Variants in RBFOX2 observed in about 807,000 individuals in gnomAD.
The protein encoded by RBFOX2 is RNA binding protein fox-1 homolog 2.
In RBFOX2, 10 loss-of-function variants were observed where a neutral mutation model predicts 49.1. The ratio of observed to expected loss-of-function variants is 0.20; its 90% confidence interval spans 0.13 to 0.35. RBFOX2 has a LOEUF of 0.35. RBFOX2 is among the 10% of genes least tolerant of loss of function. The pLI is 1.00. For synonymous variants in RBFOX2, 183 were observed against 187.4 expected, an observed-to-expected ratio of 0.98 and a Z score of 0.19; for missense variants, 323 against 486.9, an observed-to-expected ratio of 0.66 and a Z score of 3.17.
intron 2 of RBFOX2, among the ~76,000 whole-genome samples, chr22:35,805,759 G>T (rs1195587784): frequency 6.6e-6 from 1 of 152,182 alleles, no homozygotes; most frequent in Admixed American, 6.5e-5. Flanking sequence ...TAAACAAACT[G>T]TGGTACATAC....
chr22:36,025,536 G>A (rs1317594423), intron 1 of RBFOX2, among the ~76,000 whole-genome samples: 1 of 152,096 alleles, frequency 6.6e-6, no homozygotes. Flanking sequence ...ATCTCTTAGG[G>A]TTAAAACAGT....
exon 1 of RBFOX2, chr22:35,840,240 A>C (rs753618852): frequency 6.2e-7 from 1 of 1,614,108 alleles, no homozygotes; most frequent in Non-Finnish European, 8.5e-7. Context: ...ATAGATGATA[A>C]ACCTTTCAAA....
intron 2 of RBFOX2, among the ~76,000 whole-genome samples, chr22:35,791,385 C>CAA (rs5845238): frequency 2.9e-4 from 38 of 129,990 alleles, no homozygotes; most frequent in Admixed American, 1.4e-3. Context: ...AACTCTGTCT[C>CAA]AAAAAAAAAA....
At chr22:35,984,942 GAC>G in intron 1 of RBFOX2, among the ~76,000 whole-genome samples, 1 of 152,152 alleles carries the variant, frequency 6.6e-6, no homozygotes, top group African/African-American at 2.4e-5. Context: ...CATTAAATGA[GAC>G]ACAGTCACTG....
At chr22:36,008,806 C>G (rs1333670649) in intron 1 of RBFOX2, among the ~76,000 whole-genome samples, 1 of 151,898 alleles carries the variant, frequency 6.6e-6, no homozygotes, top group African/African-American at 2.4e-5. Context: ...GAATGAGACA[C>G]TGTCTCAAAG....
At chr22:35,961,109 A>G (rs1289249854) in intron 1 of RBFOX2, among the ~76,000 whole-genome samples, 1 of 152,200 alleles carries the variant, frequency 6.6e-6, no homozygotes, top group Non-Finnish European at 1.5e-5. Flanking sequence ...TATTCTTTTC[A>G]GATTATTTTT....
intron 1 of RBFOX2, among the ~76,000 whole-genome samples, chr22:35,936,421 C>T (rs1015788129): frequency 6.6e-6 from 1 of 152,038 alleles, no homozygotes; most frequent in Non-Finnish European, 1.5e-5. Context: ...AAATGCCTCC[C>T]AAATCTCAAA....
intron 1 of RBFOX2, among the ~76,000 whole-genome samples, chr22:35,869,469 C>CAAAAAAAAAAAAAAAAAAAAAAAAA (rs35854576): frequency 3.3e-5 from 1 of 30,534 alleles, no homozygotes; most frequent in Non-Finnish European, 6.5e-5. Flanking sequence ...AACGGCTGAC[C>CAAAAAAAAAAAAAAAAAAAAAAAAA]AAAAAAAAAA....
intron 7 of RBFOX2, 55 bp from the exon 9 acceptor site, chr22:35,761,349 A>G: frequency 6.2e-7 from 1 of 1,613,034 alleles, no homozygotes. Context: ...AGGAGTCACA[A>G]ATTGAAAAAC....
chr22:35,955,724 C>T (rs2055472743), intron 1 of RBFOX2, among the ~76,000 whole-genome samples: 1 of 152,110 alleles, frequency 6.6e-6, no homozygotes, highest in Non-Finnish European at 1.5e-5. Context: ...GGCAGTAGTG[C>T]TTGCTGCTCA....
In RBFOX2 at chr22:35,886,018, G is replaced by A. The variant is rs542358070; in HGVS notation, c.-34+52829C>T. Reference sequence around the variant, plus strand: ...ACTACAGGCACCCACCACCACATCCGGCTAATTTTTTGTATTTTTAGTAGA... The same window carrying A: ...ACTACAGGCACCCACCACCACATCCAGCTAATTTTTTGTATTTTTAGTAGA... On this transcript the variant is annotated intron_variant, in intron 1 of 13. Transcript: ENST00000359369. Among the ~76,000 whole-genome samples, 44 of 151,438 alleles carry A rather than the reference G, an allele frequency of 2.9e-4. 1 individual carries two copies. In the South Asian group the frequency reaches 3.6e-3, roughly 12 times the overall value.
Position 35,972,799 on chromosome 22 carries a change from A to G in RBFOX2, c.187-33902T>C, listed in dbSNP as rs1233085278. On this transcript the variant is annotated intron_variant, in intron 1 of 13. Coordinates refer to the RBFOX2 transcript ENST00000438146. ...CAGTTGGCACCCTCTTCTATGAGCC[A>G]TATTCCCTGTCCTCCTAGTGCTTAG... 5.3e-5 allele frequency among the ~76,000 whole-genome samples: 8 copies of G among 152,314 alleles called. No individual in the cohort carries two copies. The East Asian group carries it at 1.2e-3, about 22-fold the overall frequency.
At chr22:35,962,507 G>A (rs1237582442), upstream of RBFOX2, among the ~76,000 whole-genome samples, 1 of 152,162 alleles carries the variant, frequency 6.6e-6, no homozygotes, top group African/African-American at 2.4e-5. Context: ...TAAAATTCCT[G>A]TGGATATTAA....
upstream of RBFOX2, among the ~76,000 whole-genome samples, chr22:35,940,093 C>A (rs1431390895): frequency 6.6e-6 from 1 of 152,118 alleles, no homozygotes; most frequent in Non-Finnish European, 1.5e-5. Context: ...AGTAAACTTT[C>A]CACTAATTGG....
At chr22:35,971,798 C>T (rs1460105052) in intron 1 of RBFOX2, among the ~76,000 whole-genome samples, 4 of 151,450 alleles carry the variant, frequency 2.6e-5, no homozygotes, top group Non-Finnish European at 5.9e-5. Flanking sequence ...GCTGAGGGGG[C>T]CTTCTTGGTC....
chr22:35,831,359 G>C (rs1956767217), intron 1 of RBFOX2, among the ~76,000 whole-genome samples: 1 of 152,138 alleles, frequency 6.6e-6, no homozygotes, highest in Admixed American at 6.5e-5. Context: ...CGTGAACCCA[G>C]GAGGCAGAGC....
At chr22:35,936,858 G>GTA (rs917118325) in intron 1 of RBFOX2, among the ~76,000 whole-genome samples, 2 of 152,152 alleles carry the variant, frequency 1.3e-5, no homozygotes, top group African/African-American at 4.8e-5. Flanking sequence ...GAAGAATACA[G>GTA]TACCCTTTCA....
exon 12 of RBFOX2, chr22:35,743,934 T>A (rs949244866): frequency 4.9e-4 from 177 of 363,628 alleles, no homozygotes; most frequent in African/African-American, 3.0e-3. Flanking sequence ...TGCATTATTT[T>A]TTTTTTTTTT....
chr22:35,834,902 T>A (rs1434066755), intron 1 of RBFOX2, among the ~76,000 whole-genome samples: 4 of 152,184 alleles, frequency 2.6e-5, no homozygotes, highest in African/African-American at 9.7e-5. Flanking sequence ...GCATTTTAAA[T>A]GATTCACTCT....
Sources: gnomAD v4.1 joint callset for allele counts (sites outside exome capture counted in the v4.1 genomes callset) on GRCh38, gnomAD v4.1.1 for gene constraint, MANE v1.5 for transcripts, NCBI Gene and HGNC (gene_info 2026-07-23, HGNC 2026-07-21) for gene names.